The following UBOX5 variants were observed in gnomAD, a reference collection of about 807,000 sequenced individuals.
UBOX5 encodes the protein RING finger protein 37.
Under a neutral mutation model 39.0 loss-of-function variants are expected in UBOX5, and 28 were observed. The observed-to-expected ratio is 0.72, with a 90% CI of 0.53 to 0.98. UBOX5 has a LOEUF of 0.98. UBOX5 is among the 50% of genes least tolerant of loss of function. The pLI, the probability that UBOX5 is intolerant of heterozygous loss-of-function variation, is 0.00. For missense variants in UBOX5, 585 were observed against 674.4 expected (o/e 0.87, Z 1.47); for synonymous variants, 283 against 275.5 (o/e 1.03, Z -0.27).
chr20:3,109,999 C>A lies in UBOX5; in HGVS notation c.*107G>T. 7.5e-7 allele frequency: 1 copy of A among 1,341,738 alleles called. No individual in the cohort carries two copies. The highest frequency in any genetic ancestry group is 1.2e-5 in the South Asian group (1 of 81,850). The allele number at this position is 1,341,738 out of a possible 1,614,324, so 83.1% of individuals were successfully genotyped here. ...AAGAAGAGCCCCGGGAGGGAGCAGG[C>A]AGCTCTGTGCCTGGGGCCTGGCCAG... On this transcript the variant is annotated 3_prime_UTR_variant, in exon 5 of 5. Transcript: ENST00000217173.
intron 1 of UBOX5, among the ~76,000 whole-genome samples, chr20:3,140,606 C>T (rs1211333261): frequency 6.6e-6 from 1 of 152,132 alleles, no homozygotes; most frequent in African/African-American, 2.4e-5. Flanking sequence ...CCTCTGACTA[C>T]TGAAACCTAT....
Position 3,110,126 on chromosome 20 carries a change from C to T in UBOX5, c.1606G>A (p.Val536Met), listed in dbSNP as rs752379442. The T allele has an allele frequency of 3.4e-5, 55 of 1,612,246 alleles. No homozygotes were observed. The highest frequency in any genetic ancestry group is 4.5e-5 in the East Asian group (2 of 44,882). ...GTCACTCAGAAGTGGACCCGCAGCA[C>T]GTCTTGGCTAGCAACCGGCCGCTGG... ...ACQRPVASQD[V>M]LRVHF The change falls in exon 5 of 5, where the codon GTG (valine) becomes ATG (methionine). Residue 536 changes from valine (V) to methionine (M), a missense_variant. By Grantham distance (21) the Val-to-Met change is conservative. Coordinates refer to ENST00000217173, the MANE Select transcript of UBOX5 (RefSeq NM_014948.4).
intron 2 of UBOX5, among the ~76,000 whole-genome samples, chr20:3,123,070 G>C (rs557761961): frequency 6.6e-6 from 1 of 152,260 alleles, no homozygotes; most frequent in East Asian, 1.9e-4. Flanking sequence ...GATCATCAAA[G>C]AACAAAGAGC....
chr20:3,129,995 C>T (rs1157840140), intron 1 of UBOX5, among the ~76,000 whole-genome samples: 1 of 152,138 alleles, frequency 6.6e-6, no homozygotes, highest in Non-Finnish European at 1.5e-5. Flanking sequence ...TCTGGGAGAC[C>T]AAGGCAGGAG....
chr20:3,115,232 C>T (rs1299799872), intron 4 of UBOX5, 73 bp downstream of exon 4: 15 of 1,505,332 alleles, frequency 1.0e-5, no homozygotes, highest in South Asian at 2.7e-5. Flanking sequence ...CCCAGGGACT[C>T]GGCCCAGCAT....
At chr20:3,121,314 G>A in intron 3 of UBOX5, 70 bp downstream of exon 3, 1 of 1,541,840 alleles carries the variant, frequency 6.5e-7, no homozygotes, top group Non-Finnish European at 8.7e-7. Flanking sequence ...CAAAGCAAAG[G>A]GCAGCAGAGC....
At chr20:3,118,568 A>G (rs1965012380) in intron 3 of UBOX5, among the ~76,000 whole-genome samples, 1 of 152,132 alleles carries the variant, frequency 6.6e-6, no homozygotes, top group Non-Finnish European at 1.5e-5. Context: ...CAGGAGATCA[A>G]GACCATCCTG....
chr20:3,158,483 C>T (rs1490371541), intron 1 of UBOX5, among the ~76,000 whole-genome samples: 1 of 151,898 alleles, frequency 6.6e-6, no homozygotes, highest in Non-Finnish European at 1.5e-5. Context: ...TTTATTTATT[C>T]ATTTATTTGA....
In UBOX5 at chr20:3,149,398, A is replaced by C. The variant is rs1227260149; in HGVS notation, c.-42+10368T>G. On this transcript the variant is annotated intron_variant, in intron 1 of 4. Coordinates refer to ENST00000217173, the MANE Select transcript of UBOX5 (RefSeq NM_014948.4). The surrounding 1 kb of genome is among the most constrained non-coding windows in gnomAD (Gnocchi z 4.1). ...TGCTAGTAAATGCCCAAACCACATG[A>C]CAGCATATATCAAGGATAAATTCTG... 2 of 298,384 alleles carry C rather than the reference A, an allele frequency of 6.7e-6. No homozygotes were observed. Among genetic ancestry groups the C allele is most frequent in the Non-Finnish European group, 6.2e-6 (1 of 160,878 alleles). The allele number at this position is 298,384 out of a possible 1,614,324, so 18.5% of individuals were successfully genotyped here. A position where few individuals can be genotyped will look rare whatever the true frequency, so the allele number is the denominator to read the frequency against.
intron 4 of UBOX5, 94 bp from the exon 5 acceptor site, chr20:3,110,408 G>A (rs1359665402): frequency 4.3e-6 from 6 of 1,392,848 alleles, no homozygotes; most frequent in African/African-American, 1.4e-5. Context: ...CCGTGCTGCT[G>A]CAGCATCTGG....
At chr20:3,142,572 C>G (rs1052485788) in intron 1 of UBOX5, among the ~76,000 whole-genome samples, 1 of 149,316 alleles carries the variant, frequency 6.7e-6, no homozygotes, top group Non-Finnish European at 1.5e-5. Flanking sequence ...CTACTACACT[C>G]CAGCCTGGGT....
intron 1 of UBOX5, among the ~76,000 whole-genome samples, chr20:3,143,384 GA>G (rs999835700): frequency 6.6e-6 from 1 of 151,950 alleles, no homozygotes; most frequent in African/African-American, 2.4e-5. Flanking sequence ...TTACAGGTGT[GA>G]GCCGCCATGC....
At chr20:3,155,040 A>AAG (rs1449618582) in intron 1 of UBOX5, among the ~76,000 whole-genome samples, 1 of 133,104 alleles carries the variant, frequency 7.5e-6, no homozygotes, top group African/African-American at 3.0e-5. Flanking sequence ...GCGACAGAGC[A>AAG]AGACACAGTC....
rs1161881629 is a variant in UBOX5 at position 3,110,115 on chromosome 20, G to A, written c.1617C>T (p.Val539=). Residue 539 remains valine (V), a synonymous_variant, in exon 5 of 5, where the codon GTC becomes GTT. Coordinates refer to ENST00000217173, the MANE Select transcript of UBOX5 (RefSeq NM_014948.4). ...AGTGGAGGTCAGTCACTCAGAAGTG[G>A]ACCCGCAGCACGTCTTGGCTAGCAA... is the stretch of plus-strand genomic sequence containing the variant. The part of the protein sequence containing the change: ...RPVASQDVLR[V]HF 3 of 1,611,740 alleles carry A rather than the reference G, an allele frequency of 1.9e-6. No homozygotes were observed. Among genetic ancestry groups the A allele is most frequent in the Non-Finnish European group, 2.5e-6 (3 of 1,180,010 alleles).
At chr20:3,145,606 T>C (rs1287569881) in intron 1 of UBOX5, among the ~76,000 whole-genome samples, 1 of 152,124 alleles carries the variant, frequency 6.6e-6, no homozygotes, top group African/African-American at 2.4e-5. Context: ...GCCTGGCTAA[T>C]TTTATTTTTT....
chr20:3,149,087 A>T lies in UBOX5; in HGVS notation c.-42+10679T>A. 1.3e-6 allele frequency: 2 copies of T among 1,595,064 alleles called. No individual in the cohort carries two copies. Among genetic ancestry groups the T allele is most frequent in the Non-Finnish European group, 1.7e-6 (2 of 1,170,270 alleles). On this transcript the variant is annotated intron_variant, in intron 1 of 4. Transcript: ENST00000217173. The surrounding 1 kb of genome is among the most constrained non-coding windows in gnomAD (Gnocchi z 4.1). ...AGCTGCCATTCTGGTGTCAGTATTG[A>T]TCTCTTTGGCAGTCAGAATACAGTC...
At chr20:3,114,231 C>T (rs1452127612) in intron 4 of UBOX5, among the ~76,000 whole-genome samples, 4 of 151,920 alleles carry the variant, frequency 2.6e-5, no homozygotes, top group Admixed American at 2.0e-4. Context: ...GGACAGTTGC[C>T]GGAGATGTGA....
At chr20:3,147,225 A>G (rs1401945871) in intron 1 of UBOX5, 3 of 1,614,210 alleles carry the variant, frequency 1.9e-6, no homozygotes, top group Non-Finnish European at 2.5e-6. Context: ...TCAAGCCTTA[A>G]TTTGGCTACA....
chr20:3,148,011 G>C, intron 1 of UBOX5: 1 of 1,614,116 alleles, frequency 6.2e-7, no homozygotes, highest in Non-Finnish European at 8.5e-7. Flanking sequence ...ACTAAGGAGC[G>C]ACTACTCAGA....
Sources: gnomAD v4.1 joint callset for allele counts (sites outside exome capture counted in the v4.1 genomes callset) on GRCh38, gnomAD v4.1.1 for gene constraint, Gnocchi (gnomAD v3.1) non-coding constraint, MANE v1.5 for transcripts, NCBI Gene and HGNC (gene_info 2026-07-23, HGNC 2026-07-21) for gene names.